The following PMS1 variants were observed in gnomAD, a reference collection of about 807,000 sequenced individuals.
PMS1 encodes PMS1 protein homolog 1.
A neutral mutation model predicts 93.1 loss-of-function variants in PMS1; 79 were observed. The observed-to-expected ratio is 0.85, with a 90% CI of 0.71 to 1.02. The LOEUF (loss-of-function observed/expected upper bound fraction) is 1.02. Ranked by LOEUF, PMS1 falls within the 50% of genes least tolerant of loss-of-function variation. The pLI, the probability that PMS1 is intolerant of heterozygous loss-of-function variation, is 0.00. For missense variants in PMS1, 1,064 were observed against 1,085.3 expected (o/e 0.98, Z 0.28); for synonymous variants, 335 against 363.4 (o/e 0.92, Z 0.89).
intron 4 of PMS1, among the ~76,000 whole-genome samples, chr2:189,815,803 A>G (rs141023848): frequency 3.9e-4 from 60 of 152,338 alleles, no homozygotes; most frequent in African/African-American, 1.4e-3. Flanking sequence ...TATTTAAGTT[A>G]TGTTGCAAAG....
chr2:189,798,011 C>T (rs921848146), intron 3 of PMS1, among the ~76,000 whole-genome samples: 2 of 152,140 alleles, frequency 1.3e-5, no homozygotes, highest in African/African-American at 4.8e-5. Context: ...TACAGCTTAG[C>T]CTAACCTACT....
intron 5 of PMS1, among the ~76,000 whole-genome samples, chr2:189,829,999 A>C (rs2052778561): frequency 6.6e-6 from 1 of 152,238 alleles, no homozygotes; most frequent in Non-Finnish European, 1.5e-5. Context: ...CATATAACTC[A>C]TGTTTAATTA....
chr2:189,847,620 G>A (rs2054360010), intron 6 of PMS1, among the ~76,000 whole-genome samples: 1 of 152,062 alleles, frequency 6.6e-6, no homozygotes, highest in African/African-American at 2.4e-5. Context: ...TAGGAGGTCA[G>A]TTTTGTTTTA....
chr2:189,832,149 G>A (rs1354404112), intron 5 of PMS1, among the ~76,000 whole-genome samples: 1 of 152,172 alleles, frequency 6.6e-6, no homozygotes, highest in Admixed American at 6.5e-5. Flanking sequence ...TAGCTGATGG[G>A]AGTGTTATAA....
At position 189,853,982 on chromosome 2, in the gene PMS1, C is replaced by T. The variant is rs2106458070; in HGVS notation, c.866C>T (p.Thr289Ile). The change falls in exon 8 of 13, where the codon ACT becomes ATT. Residue 289 changes from threonine to isoleucine, a missense_variant. Coordinates refer to ENST00000441310, the MANE Select transcript of PMS1 (RefSeq NM_000534.5). Reference sequence around the variant, plus strand: ...AATCTGAAATGCCTAAAGGAATCTACTCGTTTGTATCCTGTTTTCTTTCTG... The same window carrying T: ...AATCTGAAATGCCTAAAGGAATCTATTCGTTTGTATCCTGTTTTCTTTCTG... ...HYNLKCLKES[T>I]RLYPVFFLKI... The T allele has an allele frequency of 6.2e-7, 1 of 1,605,728 alleles. No individual in the cohort carries two copies. Among genetic ancestry groups the T allele is most frequent in the Non-Finnish European group, 8.5e-7 (1 of 1,174,880 alleles).
At chr2:189,855,633 GT>G (rs1478370902) in intron 9 of PMS1, among the ~76,000 whole-genome samples, 5 of 151,580 alleles carry the variant, frequency 3.3e-5, no homozygotes, top group Non-Finnish European at 1.5e-5. Context: ...CATTTATACT[GT>G]TTCTATTCAG....
At chr2:189,868,859 T>G (rs2056896549) in intron 11 of PMS1, among the ~76,000 whole-genome samples, 1 of 152,160 alleles carries the variant, frequency 6.6e-6, no homozygotes, top group Non-Finnish European at 1.5e-5. Context: ...ACCTCCTACC[T>G]CAATTCTATT....
chr2:189,811,586 T>C (rs1043214026), intron 4 of PMS1, among the ~76,000 whole-genome samples: 5 of 151,900 alleles, frequency 3.3e-5, no homozygotes, highest in Non-Finnish European at 7.4e-5. Context: ...AGAGTGAGAC[T>C]CTTGTCTTCA....
At chr2:189,794,896 A>T (rs5742976) in intron 2 of PMS1, among the ~76,000 whole-genome samples, 5,722 of 152,186 alleles carry the variant, frequency 0.038, 153 homozygotes, top group African/African-American at 0.067. Context: ...CAGGAGTTTG[A>T]TACCAGCCTG....
At chr2:189,808,502 G>GC (rs1553562270) in intron 4 of PMS1, among the ~76,000 whole-genome samples, 1 of 151,448 alleles carries the variant, frequency 6.6e-6, no homozygotes, top group African/African-American at 2.4e-5. Context: ...GAATTTTTGT[G>GC]TTTTTTTTAG....
At chr2:189,845,059 T>C (rs965412002) in intron 6 of PMS1, among the ~76,000 whole-genome samples, 16 of 152,102 alleles carry the variant, frequency 1.1e-4, no homozygotes, top group African/African-American at 3.6e-4. Context: ...CATTTCACTA[T>C]GTTGCCCAGG....
intron 4 of PMS1, among the ~76,000 whole-genome samples, chr2:189,816,773 T>C (rs1483595601): frequency 6.6e-6 from 1 of 152,180 alleles, no homozygotes; most frequent in Non-Finnish European, 1.5e-5. Flanking sequence ...CTCTGTGTTA[T>C]AAGCAGTAGG....
At chr2:189,847,844 C>T (rs1274996850) in intron 6 of PMS1, among the ~76,000 whole-genome samples, 1 of 152,134 alleles carries the variant, frequency 6.6e-6, no homozygotes, top group Non-Finnish European at 1.5e-5. Flanking sequence ...TTTGTTGAAA[C>T]CTCCTCTGCT....
chr2:189,786,946 G>C (rs942866695), intron 1 of PMS1, among the ~76,000 whole-genome samples: 1 of 152,060 alleles, frequency 6.6e-6, no homozygotes, highest in African/African-American at 2.4e-5. Flanking sequence ...CCAGCTACTC[G>C]GGAGGCTGAG....
At chr2:189,861,522 G>A (rs983855188) in intron 9 of PMS1, among the ~76,000 whole-genome samples, 2 of 151,932 alleles carry the variant, frequency 1.3e-5, no homozygotes, top group African/African-American at 2.4e-5. Flanking sequence ...GGCCAAGGCA[G>A]GTGGATCACC....
intron 2 of PMS1, among the ~76,000 whole-genome samples, chr2:189,795,364 CAT>C (rs1209780147): frequency 6.6e-6 from 1 of 152,148 alleles, no homozygotes; most frequent in Non-Finnish European, 1.5e-5. Context: ...CTGACTAGAA[CAT>C]GTGTTACTTT....
At chr2:189,800,330 A>T (rs2106253671) in intron 3 of PMS1, among the ~76,000 whole-genome samples, 1 of 151,646 alleles carries the variant, frequency 6.6e-6, no homozygotes, top group African/African-American at 2.4e-5. Flanking sequence ...TTAAATATTA[A>T]ATTATTTACA....
chr2:189,875,955 C>CAAAAAAAAAAA (rs561168809), intron 12 of PMS1, among the ~76,000 whole-genome samples: 1 of 46,190 alleles, frequency 2.2e-5, no homozygotes, highest in African/African-American at 8.1e-5. Flanking sequence ...GACTCTGTCT[C>CAAAAAAAAAAA]AAAAAAAAAA....
chr2:189,862,274 G>A (rs558155817), intron 9 of PMS1, among the ~76,000 whole-genome samples: 5 of 152,004 alleles, frequency 3.3e-5, no homozygotes, highest in East Asian at 3.9e-4. Context: ...AAGCCTACCC[G>A]GTGAATATTT....
Sources: gnomAD v4.1 joint callset for allele counts (sites outside exome capture counted in the v4.1 genomes callset) on GRCh38, gnomAD v4.1.1 for gene constraint, MANE v1.5 for transcripts, NCBI Gene and HGNC (gene_info 2026-07-23, HGNC 2026-07-21) for gene names.